DCLK1: variants seen among roughly 807,000 people sequenced by gnomAD.
The protein encoded by DCLK1 is doublecortin like kinase 1.
DCLK1 carries 16 observed loss-of-function variants against 86.2 expected under a neutral mutation model. That is an observed-to-expected ratio of 0.19 (90% CI 0.13 to 0.28). The LOEUF (loss-of-function observed/expected upper bound fraction) is 0.28, where lower values mean the gene tolerates loss of function less well. Ranked by LOEUF, DCLK1 falls within the 10% of genes least tolerant of loss-of-function variation. The pLI is 1.00. For synonymous variants in DCLK1, 369 were observed against 370.5 expected (o/e 1.00, Z 0.05); for missense variants, 590 against 940.2 (o/e 0.63, Z 4.87).
chr13:36,114,559 C>T lies in DCLK1; in HGVS notation c.377-2344G>A, dbSNP rs539999794. On this transcript the variant is annotated intron_variant, in intron 2 of 16. Transcript: ENST00000360631. ...ATTCAGGAAAGGCCCAGATGGATTT[C>T]CTTATGCTAATAAATTTCCATTGAT... Among the ~76,000 whole-genome samples, 16 of 152,332 alleles carry T rather than the reference C, an allele frequency of 1.1e-4. No individual in the cohort carries two copies. In the South Asian group the frequency reaches 3.3e-3, roughly 32 times the overall value.
intron 3 of DCLK1, among the ~76,000 whole-genome samples, chr13:35,999,067 C>T (rs577539538): frequency 3.3e-5 from 5 of 152,114 alleles, no homozygotes; most frequent in South Asian, 2.1e-4. Context: ...CCAGCCTGGC[C>T]GACACGGTGA....
At chr13:35,983,714 A>T (rs1428934430) in intron 3 of DCLK1, among the ~76,000 whole-genome samples, 1 of 152,240 alleles carries the variant, frequency 6.6e-6, no homozygotes, top group Non-Finnish European at 1.5e-5. Flanking sequence ...AAAACATCTT[A>T]TGTACCCATA....
intron 2 of DCLK1, among the ~76,000 whole-genome samples, chr13:36,121,143 T>C (rs1885973654): frequency 6.6e-6 from 1 of 152,208 alleles, no homozygotes; most frequent in South Asian, 2.1e-4. Flanking sequence ...GTTAAATTAA[T>C]GATGGTAACT....
intron 3 of DCLK1, among the ~76,000 whole-genome samples, chr13:36,095,557 C>T (rs1378697390): frequency 6.6e-6 from 1 of 152,094 alleles, no homozygotes; most frequent in Non-Finnish European, 1.5e-5. Flanking sequence ...AAAACCACTA[C>T]TTAATGCAAG....
intron 3 of DCLK1, among the ~76,000 whole-genome samples, chr13:35,968,048 A>T (rs544073519): frequency 1.0e-3 from 147 of 144,254 alleles, no homozygotes; most frequent in Middle Eastern, 6.9e-3. Context: ...AATAAAATTT[A>T]AAAAAAAAAA....
At chr13:35,865,337 T>C (rs752103839) in intron 5 of DCLK1, among the ~76,000 whole-genome samples, 7 of 152,216 alleles carry the variant, frequency 4.6e-5, no homozygotes, top group African/African-American at 7.2e-5. Context: ...ATCAAACCCA[T>C]ATGAAACTCC....
chr13:35,820,048 A>G (rs2087357217), intron 11 of DCLK1, among the ~76,000 whole-genome samples: 1 of 152,186 alleles, frequency 6.6e-6, no homozygotes, highest in Admixed American at 6.5e-5. Context: ...TGGGTGTGTG[A>G]GGGTCTACCT....
At chr13:35,970,754 AAT>A (rs1449811121) in intron 3 of DCLK1, among the ~76,000 whole-genome samples, 1 of 152,184 alleles carries the variant, frequency 6.6e-6, no homozygotes, top group Non-Finnish European at 1.5e-5. Context: ...ATTCTTTATA[AAT>A]TACTCAGCCT....
intron 16 of DCLK1, among the ~76,000 whole-genome samples, chr13:35,776,343 T>A (rs994587754): frequency 6.6e-6 from 1 of 152,204 alleles, no homozygotes; most frequent in Admixed American, 6.5e-5. Flanking sequence ...CTGTCTTACA[T>A]AAAAAGCATT....
intron 3 of DCLK1, among the ~76,000 whole-genome samples, chr13:36,028,823 A>G (rs1430739116): frequency 6.6e-6 from 1 of 152,224 alleles, no homozygotes; most frequent in Non-Finnish European, 1.5e-5. Flanking sequence ...TGCTAATTAT[A>G]ATGCATTAGC....
In DCLK1 at chr13:36,021,318, A is replaced by C. The variant is rs142680310; in HGVS notation, c.724-73861T>G. Among the ~76,000 whole-genome samples the C allele has an allele frequency of 1.2e-3, 178 of 152,056 alleles. 1 individual carries two copies. Among genetic ancestry groups the C allele is most frequent in the African/African-American group, 4.2e-3 (173 of 41,536 alleles). The stretch of plus-strand genomic sequence containing the variant: ...AAAACACTTATTTAATTGAAAAAAA[A>C]AGTAGTAATGGAGTAAGATAACCAG... On this transcript the variant is annotated intron_variant, in intron 3 of 16. Transcript: ENST00000360631.
intron 6 of DCLK1, chr13:35,847,131 G>T: frequency 1.0e-6 from 1 of 957,838 alleles, no homozygotes; most frequent in Non-Finnish European, 1.2e-6. Flanking sequence ...TGAAAACAAA[G>T]ATATATCAAT....
intron 16 of DCLK1, among the ~76,000 whole-genome samples, chr13:35,791,717 A>T (rs1055407840): frequency 6.6e-6 from 1 of 152,186 alleles, no homozygotes; most frequent in African/African-American, 2.4e-5. Flanking sequence ...AGGCAAACTT[A>T]ACCAAAGACT....
chr13:35,899,378 A>T (rs1463308087), intron 4 of DCLK1, among the ~76,000 whole-genome samples: 5 of 151,298 alleles, frequency 3.3e-5, no homozygotes, highest in African/African-American at 7.3e-5. Context: ...TGAGAGAGAG[A>T]GAGAGAGAGA....
chr13:36,013,906 C>T (rs921652754), intron 3 of DCLK1, among the ~76,000 whole-genome samples: 1 of 152,226 alleles, frequency 6.6e-6, no homozygotes, highest in African/African-American at 2.4e-5. Flanking sequence ...ACCCTCCGAG[C>T]CAGGTGTGGG....
At chr13:36,023,959 G>A (rs1159299657) in intron 3 of DCLK1, among the ~76,000 whole-genome samples, 1 of 148,118 alleles carries the variant, frequency 6.8e-6, no homozygotes, top group Admixed American at 6.8e-5. Context: ...ACAGTGGTGG[G>A]ATCTCAGCTC....
Position 36,122,818 on chromosome 13 carries a change from T to C in DCLK1, c.376+2944A>G, listed in dbSNP as rs549305876. 1.2e-3 allele frequency among the ~76,000 whole-genome samples: 180 copies of C among 152,350 alleles called. 1 individual carries two copies. The highest frequency in any genetic ancestry group is 4.2e-3 in the African/African-American group (173 of 41,582). ...GTGTGTATATACATACATATGTGCA[T>C]AGGTGACACACATACAATCATAGAC... On this transcript the variant is annotated intron_variant, in intron 2 of 16. Coordinates refer to ENST00000360631, the MANE Select transcript of DCLK1 (RefSeq NM_001330071.2).
chr13:35,829,211 C>T (rs145365758), intron 8 of DCLK1, among the ~76,000 whole-genome samples: 33 of 152,308 alleles, frequency 2.2e-4, no homozygotes, highest in African/African-American at 7.0e-4. Flanking sequence ...AGGATTTAGT[C>T]GTATCGCTAC....
chr13:35,828,160 G>C (rs1868638995), intron 9 of DCLK1, 90 bp downstream of exon 9: 3 of 1,088,818 alleles, frequency 2.8e-6, no homozygotes, highest in Admixed American at 1.8e-5. Context: ...TCAACCCTTA[G>C]GGTGAACTTG....
Sources: gnomAD v4.1 joint callset for allele counts (sites outside exome capture counted in the v4.1 genomes callset) on GRCh38, gnomAD v4.1.1 for gene constraint, MANE v1.5 for transcripts, NCBI Gene and HGNC (gene_info 2026-07-23, HGNC 2026-07-21) for gene names.